The following AGMO variants were observed in gnomAD, a reference collection of about 807,000 sequenced individuals.
The protein encoded by AGMO is glyceryl-ether monooxygenase.
Under a neutral mutation model 60.2 loss-of-function variants are expected in AGMO, and 75 were observed. The observed-to-expected ratio is 1.25, with a 90% CI of 1.03 to 1.51. AGMO has a LOEUF of 1.51. AGMO is among the 40% of genes most tolerant of loss of function. AGMO has a pLI of 0.00. For missense variants in AGMO, 763 were observed against 525.5 expected (o/e 1.45, Z -4.42); for synonymous variants, 261 against 177.1 (o/e 1.47, Z -3.76).
intron 12 of AGMO, among the ~76,000 whole-genome samples, chr7:15,212,809 A>G (rs777558461): frequency 3.9e-5 from 6 of 151,950 alleles, no homozygotes; most frequent in Non-Finnish European, 8.8e-5. Context: ...GCTATGCCTC[A>G]GTATCTTCAG....
intron 3 of AGMO, among the ~76,000 whole-genome samples, chr7:15,531,491 A>C (rs189434474): frequency 2.2e-4 from 7 of 31,988 alleles, no homozygotes; most frequent in South Asian, 1.9e-3. Context: ...TATATATTCT[A>C]TATATATTCT....
the AGMO span, among the ~76,000 whole-genome samples, chr7:15,169,534 T>C: frequency 6.6e-6 from 1 of 152,070 alleles, no homozygotes; most frequent in African/African-American, 2.4e-5. Flanking sequence ...CCTCCTGGGT[T>C]CAAGCAATTC....
chr7:15,304,801 C>T (rs1036818354), intron 12 of AGMO, among the ~76,000 whole-genome samples: 2 of 151,984 alleles, frequency 1.3e-5, no homozygotes, highest in African/African-American at 4.8e-5. Context: ...GATAAGCCTT[C>T]CTCTAAGCCC....
At chr7:15,521,550 A>G (rs1363481677) in intron 3 of AGMO, among the ~76,000 whole-genome samples, 7 of 152,208 alleles carry the variant, frequency 4.6e-5, no homozygotes, top group Non-Finnish European at 1.0e-4. Context: ...AACATAAGCA[A>G]ATCAATAAAT....
intron 12 of AGMO, among the ~76,000 whole-genome samples, chr7:15,265,398 C>T (rs1340425613): frequency 6.6e-6 from 1 of 151,870 alleles, no homozygotes; most frequent in Non-Finnish European, 1.5e-5. Context: ...ACGCAGTATA[C>T]CCATGTAACA....
At chr7:15,366,546 A>T (rs1474708418) in intron 10 of AGMO, among the ~76,000 whole-genome samples, 1 of 152,102 alleles carries the variant, frequency 6.6e-6, no homozygotes, top group Non-Finnish European at 1.5e-5. Flanking sequence ...AATTACTCAC[A>T]TTTTAATGTA....
intron 11 of AGMO, 67 bp downstream of exon 11, chr7:15,366,073 T>C (rs1368801430): frequency 4.1e-6 from 5 of 1,233,040 alleles, no homozygotes; most frequent in African/African-American, 1.5e-5. Context: ...TACTGGTATT[T>C]TACCACTCTG....
chr7:15,379,581 T>C (rs952104638), intron 10 of AGMO, among the ~76,000 whole-genome samples: 7 of 151,852 alleles, frequency 4.6e-5, no homozygotes, highest in South Asian at 2.1e-4. Flanking sequence ...AAGAGAACAA[T>C]AGTGAGCTCT....
intron 10 of AGMO, among the ~76,000 whole-genome samples, chr7:15,369,229 C>T (rs1221325256): frequency 6.6e-6 from 1 of 152,008 alleles, no homozygotes; most frequent in Non-Finnish European, 1.5e-5. Context: ...ACTGGTCTTC[C>T]TACTTCTAAA....
At chr7:15,150,702 GCTA>G in the AGMO span, among the ~76,000 whole-genome samples, 1 of 152,042 alleles carries the variant, frequency 6.6e-6, no homozygotes. Context: ...GATTTGATTG[GCTA>G]CTATTTTATT....
chr7:15,552,007 A>G (rs1261052940), intron 2 of AGMO, among the ~76,000 whole-genome samples: 3 of 152,060 alleles, frequency 2.0e-5, no homozygotes, highest in African/African-American at 7.2e-5. Context: ...GCCCTCAGAA[A>G]TAATGCCACA....
At position 15,502,502 on chromosome 7, in the gene AGMO, G is replaced by A. The variant is rs137878590; in HGVS notation, c.409+42270C>T. Among the ~76,000 whole-genome samples the A allele has an allele frequency of 5.7e-4, 86 of 152,066 alleles. 2 individuals carry two copies. In the East Asian group the frequency reaches 7.6e-3, roughly 13 times the overall value. ...TATGGGGTCAGATCTCCAGAGAGTC[G>A]CTGATGGTTTTGAGGGTCTGGCTAG... On this transcript the variant is annotated intron_variant, in intron 3 of 12. Coordinates refer to ENST00000342526, the MANE Select transcript of AGMO (RefSeq NM_001004320.2).
the AGMO span, among the ~76,000 whole-genome samples, chr7:15,141,479 G>A: frequency 2.6e-5 from 4 of 152,002 alleles, no homozygotes; most frequent in Non-Finnish European, 5.9e-5. Context: ...CCAGCTACTT[G>A]GGAGGCTGAG....
At chr7:15,357,097 G>C (rs964937451) in intron 12 of AGMO, among the ~76,000 whole-genome samples, 1 of 150,720 alleles carries the variant, frequency 6.6e-6, no homozygotes, top group Admixed American at 6.6e-5. Flanking sequence ...GCACAGAAGC[G>C]AGACTCTGTC....
chr7:15,268,071 A>G (rs1583345345), intron 12 of AGMO, among the ~76,000 whole-genome samples: 1 of 151,770 alleles, frequency 6.6e-6, no homozygotes, highest in East Asian at 1.9e-4. Context: ...CTGTTAAGAG[A>G]AACATTAATA....
intron 1 of AGMO, among the ~76,000 whole-genome samples, chr7:15,561,507 A>G (rs549798598): frequency 1.3e-5 from 2 of 152,324 alleles, no homozygotes; most frequent in Non-Finnish European, 2.9e-5. Flanking sequence ...GTGACATATA[A>G]AAGAGGGAAT....
At chr7:15,535,640 A>T (rs1329404616) in intron 3 of AGMO, among the ~76,000 whole-genome samples, 2 of 147,532 alleles carry the variant, frequency 1.4e-5, no homozygotes, top group Non-Finnish European at 3.1e-5. Flanking sequence ...TAACAACTTT[A>T]AAAAAATATC....
chr7:15,304,928 C>T (rs572923426), intron 12 of AGMO, among the ~76,000 whole-genome samples: 1 of 152,088 alleles, frequency 6.6e-6, no homozygotes, highest in South Asian at 2.1e-4. Flanking sequence ...GGAGAGCACA[C>T]TGGATAAAAA....
chr7:15,314,441 T>C lies in AGMO; in HGVS notation c.1263+51073A>G, dbSNP rs144332204. On this transcript the variant is annotated intron_variant, in intron 12 of 12. Coordinates refer to ENST00000342526, the MANE Select transcript of AGMO (RefSeq NM_001004320.2). ...TATATGTATGCTTAAAGTTTATAAA[T>C]GTTGATTTTATATACCTAATTCTTA... 8.3e-4 allele frequency among the ~76,000 whole-genome samples: 127 copies of C among 152,222 alleles called. 1 individual carries two copies. In the East Asian group the frequency reaches 0.021, roughly 26 times the overall value.
Sources: allele counts gnomAD v4.1 joint callset (sites outside exome capture counted in the v4.1 genomes callset), GRCh38; gene constraint gnomAD v4.1.1; transcripts MANE v1.5; gene names NCBI Gene and HGNC (gene_info 2026-07-23, HGNC 2026-07-21).